Variants in CSMD2 observed in about 807,000 individuals in gnomAD.
CSMD2 encodes the protein CUB and Sushi multiple domains 2.
CSMD2 carries 130 observed loss-of-function variants against 398.5 expected under a neutral mutation model. The observed-to-expected ratio is 0.33, with a 90% CI of 0.28 to 0.38. The LOEUF is 0.38. CSMD2 is among the 10% of genes least tolerant of loss of function. The pLI is 1.00. For synonymous variants in CSMD2, 1,828 were observed against 1,908.5 expected, an observed-to-expected ratio of 0.96 and a Z score of 1.10; for missense variants, 3,829 against 4,764.9, an observed-to-expected ratio of 0.80 and a Z score of 5.78.
At chr1:33,665,084 T>C (rs1411721252) in intron 25 of CSMD2, among the ~76,000 whole-genome samples, 2 of 152,184 alleles carry the variant, frequency 1.3e-5, no homozygotes, top group African/African-American at 2.4e-5. Flanking sequence ...TCTGCACATA[T>C]TTACTGGGCA....
intron 55 of CSMD2, among the ~76,000 whole-genome samples, chr1:33,554,434 C>T (rs1015919305): frequency 7.9e-5 from 12 of 152,168 alleles, no homozygotes; most frequent in African/African-American, 2.9e-4. Flanking sequence ...ATCTTGTGAT[C>T]CACCTGCCTC....
At chr1:34,114,421 AGCACAGTGGTTCATACC>A (rs1436443212) in intron 1 of CSMD2, among the ~76,000 whole-genome samples, 8 of 152,070 alleles carry the variant, frequency 5.3e-5, no homozygotes, top group Non-Finnish European at 1.0e-4. Context: ...AAATAGGCTG[AGCACAGTGGTTCATACC>A]TGTCATCCCA....
At chr1:34,023,617 G>C (rs1460831264) in intron 3 of CSMD2, among the ~76,000 whole-genome samples, 6 of 152,118 alleles carry the variant, frequency 3.9e-5, no homozygotes, top group Non-Finnish European at 5.9e-5. Context: ...GGTTTTGTCA[G>C]GGGAAAGAAT....
chr1:33,546,309 A>C lies in CSMD2; in HGVS notation c.8918-90T>G, dbSNP rs1298151170. ...GGAGAAAGATACTGGGATGGGACTA[A>C]GGGGATGCAGTGGGTCCCACGAATG... On this transcript the variant is annotated intron_variant, in intron 56 of 70. Coordinates refer to ENST00000373381, the MANE Select transcript of CSMD2 (RefSeq NM_001281956.2). 4.5e-6 allele frequency: 6 copies of C among 1,343,294 alleles called. No individual in the cohort carries two copies. The African/African-American group carries it at 8.8e-5, about 20-fold the overall frequency. 83.2% of individuals were successfully genotyped at this position (1,343,294 alleles called of 1,614,324 possible).
At chr1:34,126,680 G>A (rs1470082187) in intron 1 of CSMD2, among the ~76,000 whole-genome samples, 2 of 152,168 alleles carry the variant, frequency 1.3e-5, no homozygotes, top group Admixed American at 1.3e-4. Context: ...GCAGGAGGGA[G>A]TGGAGTGGGA....
At chr1:33,956,170 T>C (rs1319426808) in intron 3 of CSMD2, among the ~76,000 whole-genome samples, 1 of 151,890 alleles carries the variant, frequency 6.6e-6, no homozygotes, top group Non-Finnish European at 1.5e-5. Flanking sequence ...ATTAAGAATA[T>C]TCACATTGTG....
chr1:34,017,256 T>G (rs894134045), intron 3 of CSMD2, among the ~76,000 whole-genome samples: 2 of 152,218 alleles, frequency 1.3e-5, no homozygotes. Context: ...ATTCACCTAC[T>G]TTTAACATCT....
At chr1:33,759,309 CTTTTCTTTTT>C (rs1377024057) in intron 13 of CSMD2, among the ~76,000 whole-genome samples, 27 of 129,622 alleles carry the variant, frequency 2.1e-4, no homozygotes, top group East Asian at 1.3e-3. Flanking sequence ...GCTTGAGTTT[CTTTTCTTTTT>C]TTTTCTTTTT....
In CSMD2 at chr1:33,700,303, G is replaced by A. The variant is rs189334262; in HGVS notation, c.3733+214C>T. ...ATTATAGGCATGAACCACTGTGCCCGGCCACTTCACTCCTTTTTATGGACA... is the reference window on the plus strand; with the variant it reads ...ATTATAGGCATGAACCACTGTGCCCAGCCACTTCACTCCTTTTTATGGACA... On this transcript the variant is annotated intron_variant, in intron 23 of 70. Coordinates refer to ENST00000373381, the MANE Select transcript of CSMD2 (RefSeq NM_001281956.2). 2.8e-4 allele frequency among the ~76,000 whole-genome samples: 43 copies of A among 152,240 alleles called. No homozygotes were observed. In the East Asian group the frequency reaches 4.1e-3, roughly 14 times the overall value.
At chr1:33,843,269 C>A (rs1661036165) in intron 6 of CSMD2, among the ~76,000 whole-genome samples, 1 of 152,216 alleles carries the variant, frequency 6.6e-6, no homozygotes, top group Non-Finnish European at 1.5e-5. Flanking sequence ...CGAAGCAGAG[C>A]CCGACTAGAA....
intron 6 of CSMD2, among the ~76,000 whole-genome samples, chr1:33,830,297 C>T (rs1421775900): frequency 1.3e-5 from 2 of 152,190 alleles, no homozygotes; most frequent in African/African-American, 4.8e-5. Context: ...CGGCCGGGTA[C>T]TCCTCTGAGA....
At chr1:33,589,776 T>C (rs1336036222) in intron 44 of CSMD2, among the ~76,000 whole-genome samples, 1 of 152,210 alleles carries the variant, frequency 6.6e-6, no homozygotes, top group African/African-American at 2.4e-5. Context: ...TGAAAGACTT[T>C]CTTTGCCCCT....
At chr1:34,073,152 C>T (rs1287633616) in intron 2 of CSMD2, among the ~76,000 whole-genome samples, 2 of 152,228 alleles carry the variant, frequency 1.3e-5, no homozygotes, top group Non-Finnish European at 1.5e-5. Context: ...CCTCTGCCTC[C>T]TTATTAACCA....
At chr1:34,140,386 T>C (rs1239962229) in intron 1 of CSMD2, among the ~76,000 whole-genome samples, 1 of 151,590 alleles carries the variant, frequency 6.6e-6, no homozygotes, top group Non-Finnish European at 1.5e-5. Context: ...GCTGAAATTC[T>C]GGCTCTCCGA....
chr1:33,999,541 A>G (rs1424125924), intron 3 of CSMD2, among the ~76,000 whole-genome samples: 2 of 151,772 alleles, frequency 1.3e-5, no homozygotes, highest in Non-Finnish European at 2.9e-5. Flanking sequence ...GACCGCATGC[A>G]TGCACCACCT....
chr1:33,546,028 A>G lies in CSMD2; in HGVS notation c.9100+9T>C, dbSNP rs1237878350. The stretch of plus-strand genomic sequence containing the variant: ...CAAAGGGGAGAAGCAGAATGGTCAC[A>G]TACATTACCTCCACACTCAGGCTGC... On this transcript the variant is annotated intron_variant, in intron 57 of 70. Coordinates refer to ENST00000373381, the MANE Select transcript of CSMD2 (RefSeq NM_001281956.2). 6.2e-7 allele frequency: 1 copy of G among 1,606,674 alleles called. No homozygotes were observed. Among genetic ancestry groups the G allele is most frequent in the African/African-American group, 1.3e-5 (1 of 74,928 alleles).
intron 2 of CSMD2, among the ~76,000 whole-genome samples, chr1:34,058,081 G>A (rs894198153): frequency 3.3e-5 from 5 of 152,160 alleles, no homozygotes; most frequent in African/African-American, 1.2e-4. Flanking sequence ...GACAGGATGA[G>A]CACAGCTGTA....
intron 10 of CSMD2, among the ~76,000 whole-genome samples, chr1:33,806,834 C>T (rs1010198380): frequency 2.0e-5 from 3 of 151,866 alleles, no homozygotes; most frequent in Non-Finnish European, 4.4e-5. Flanking sequence ...AATTAGTGAA[C>T]AGAATGAAAG....
At chr1:33,880,617 G>A (rs1346009353) in intron 5 of CSMD2, among the ~76,000 whole-genome samples, 1 of 152,180 alleles carries the variant, frequency 6.6e-6, no homozygotes, top group Non-Finnish European at 1.5e-5. Context: ...CATAGTCTAT[G>A]AGATGAGAAA....
Sources: allele counts gnomAD v4.1 joint callset (sites outside exome capture counted in the v4.1 genomes callset), GRCh38; gene constraint gnomAD v4.1.1; transcripts MANE v1.5; gene names NCBI Gene and HGNC (gene_info 2026-07-23, HGNC 2026-07-21).